ITK: variants seen among roughly 807,000 people sequenced by gnomAD.
ITK encodes the protein IL2 inducible T cell kinase, also known as tyrosine-protein kinase ITK/TSK.
In ITK, 45 loss-of-function variants were observed where a neutral mutation model predicts 87.6. That is an observed-to-expected ratio of 0.51 (90% CI 0.40 to 0.66). The LOEUF (loss-of-function observed/expected upper bound fraction) is 0.66. Among genes scored for constraint, ITK ranks in the 30% least tolerant of loss-of-function variants. The probability of loss-of-function intolerance (pLI) is 0.00; values close to 1 mark genes in which losing one functional copy is unlikely to be tolerated. For missense variants in ITK, 605 were observed against 766.3 expected (o/e 0.79, Z 2.48); for synonymous variants, 303 against 273.6 (o/e 1.11, Z -1.06).
intron 1 of ITK, among the ~76,000 whole-genome samples, chr5:157,200,466 A>G (rs1753942929): frequency 6.6e-6 from 1 of 152,116 alleles, no homozygotes; most frequent in Non-Finnish European, 1.5e-5. Flanking sequence ...GTTTGGGATG[A>G]TTATAGGCAA....
At chr5:157,249,129 A>G in intron 16 of ITK, 122 bp downstream of exon 16, 1 of 845,500 alleles carries the variant, frequency 1.2e-6, no homozygotes, top group Non-Finnish European at 2.0e-6. Context: ...ATAGATTAGC[A>G]ACAACATGAC....
intron 1 of ITK, among the ~76,000 whole-genome samples, chr5:157,192,909 T>G (rs1242852256): frequency 6.6e-6 from 1 of 152,204 alleles, no homozygotes; most frequent in East Asian, 1.9e-4. Context: ...GACTGAATGA[T>G]TTCTAAAGAC....
intron 10 of ITK, 83 bp from the exon 11 acceptor site, chr5:157,241,563 T>G (rs542205541): frequency 3.1e-5 from 29 of 946,838 alleles, no homozygotes; most frequent in African/African-American, 1.9e-4. Flanking sequence ...TGATGATGAT[T>G]ATTATTTTTT....
intron 5 of ITK, among the ~76,000 whole-genome samples, chr5:157,220,577 A>T (rs1754394595): frequency 6.6e-6 from 1 of 152,148 alleles, no homozygotes; most frequent in African/African-American, 2.4e-5. Flanking sequence ...GGTTGTGCTG[A>T]GGCCTGCAGC....
intron 1 of ITK, among the ~76,000 whole-genome samples, chr5:157,191,461 C>CA (rs946345160): frequency 6.6e-6 from 1 of 151,862 alleles, no homozygotes; most frequent in Non-Finnish European, 1.5e-5. Flanking sequence ...CTCATATTGT[C>CA]AAAAAAAATT....
intron 1 of ITK, among the ~76,000 whole-genome samples, chr5:157,204,353 G>T (rs904218311): frequency 9.9e-5 from 15 of 152,094 alleles, no homozygotes; most frequent in African/African-American, 3.6e-4. Context: ...CTGAGCTCAG[G>T]AGTTCCAAGC....
At position 157,243,636 on chromosome 5, in the gene ITK, C is replaced by G. The variant is rs142689933; in HGVS notation, c.1074C>G (p.Ile358Met). 3 of 1,612,420 alleles carry G rather than the reference C, an allele frequency of 1.9e-6. No homozygotes were observed. The highest frequency in any genetic ancestry group is 2.5e-6 in the Non-Finnish European group (3 of 1,179,932). Residue 358 changes from isoleucine (I) to methionine (M), a missense_variant, in exon 12 of 17, where the codon ATC becomes ATG. Transcript: ENST00000422843. ...TCTCTCTTCCAGGGAAATGGGTGATCGACCCCTCAGAGCTCACTTTTGTGC... is the reference window on the plus strand; with the variant it reads ...TCTCTCTTCCAGGGAAATGGGTGATGGACCCCTCAGAGCTCACTTTTGTGC... ...TAGLRYGKWV[I>M]DPSELTFVQE...
rs1287758453 is a variant in ITK at position 157,180,985 on chromosome 5, A to G, written c.8A>G (p.Asn3Ser). 1 of 1,613,830 alleles carries G rather than the reference A, an allele frequency of 6.2e-7. No homozygotes were observed. Among genetic ancestry groups the G allele is most frequent in the Non-Finnish European group, 8.5e-7 (1 of 1,179,848 alleles). ...CCTTTCAAGAACTGGATCATGAACA[A>G]CTTTATCCTCCTGGAAGAACAGCTC... Reference protein sequence around the residue: MNNFILLEEQLIK... With the variant: MNSFILLEEQLIK... The change falls in exon 1 of 17, where the codon AAC (asparagine) becomes AGC (serine). Residue 3 changes from asparagine to serine, a missense_variant. Around this residue, in one of 3 missense-constraint regions of ITK, gnomAD observed 464 missense variants for 578.0 expected, o/e 0.80. Transcript: ENST00000422843.
intron 1 of ITK, among the ~76,000 whole-genome samples, chr5:157,204,062 C>T (rs116815321): frequency 9.9e-5 from 15 of 152,248 alleles, no homozygotes; most frequent in Admixed American, 5.2e-4. Context: ...CTGGGGTCGA[C>T]GGCACCATCA....
intron 1 of ITK, among the ~76,000 whole-genome samples, chr5:157,182,609 G>A (rs1753558012): frequency 6.6e-6 from 1 of 152,048 alleles, no homozygotes; most frequent in South Asian, 2.1e-4. Flanking sequence ...GAACTTGGGG[G>A]ATTTATCATG....
In ITK at chr5:157,201,182, A is replaced by G. The variant is rs911718235; in HGVS notation, c.139-7707A>G. Among the ~76,000 whole-genome samples the G allele has an allele frequency of 9.9e-5, 15 of 152,158 alleles. 2 individuals are homozygous for G. Among genetic ancestry groups the G allele is most frequent in the Admixed American group, 5.9e-4 (9 of 15,230 alleles). On this transcript the variant is annotated intron_variant, in intron 1 of 16. Coordinates refer to ENST00000422843, the MANE Select transcript of ITK (RefSeq NM_005546.4). ...GATAAAACCCCCAGTACACTAATAG[A>G]AAAAAAATTTTGAGTCTTGCAAAAA...
intron 1 of ITK, among the ~76,000 whole-genome samples, chr5:157,204,323 G>A (rs1754036250): frequency 6.6e-6 from 1 of 152,202 alleles, no homozygotes; most frequent in African/African-American, 2.4e-5. Context: ...CACTTTGGGA[G>A]GCTGAGGCGG....
At chr5:157,223,086 T>C in intron 6 of ITK, 72 bp downstream of exon 6, 1 of 1,562,222 alleles carries the variant, frequency 6.4e-7, no homozygotes, top group South Asian at 1.1e-5. Context: ...CAGGATGATT[T>C]GTCCTATCTC....
chr5:157,190,189 T>A (rs1406350042), intron 1 of ITK, among the ~76,000 whole-genome samples: 1 of 152,214 alleles, frequency 6.6e-6, no homozygotes, highest in Non-Finnish European at 1.5e-5. Flanking sequence ...TAAGTAGGCT[T>A]CTCATTATAT....
intron 4 of ITK, among the ~76,000 whole-genome samples, chr5:157,216,667 G>A (rs1354430605): frequency 1.3e-5 from 2 of 152,080 alleles, no homozygotes; most frequent in Non-Finnish European, 2.9e-5. Flanking sequence ...GCCAGAGGAC[G>A]AAGAAAGAGA....
chr5:157,209,607 C>G (rs466470), intron 2 of ITK, among the ~76,000 whole-genome samples: 146,317 of 152,062 alleles, frequency 0.96, 70,438 homozygotes, highest in East Asian at 1. Flanking sequence ...CTGCTATCAG[C>G]GGCCTGAAAC....
intron 1 of ITK, among the ~76,000 whole-genome samples, chr5:157,187,149 C>T (rs73814022): frequency 0.017 from 2,606 of 152,334 alleles, 70 homozygotes; most frequent in African/African-American, 0.06. Flanking sequence ...GTCATGTCCT[C>T]CTGTCCTGTT....
intron 6 of ITK, among the ~76,000 whole-genome samples, chr5:157,224,737 C>T (rs928743951): frequency 6.6e-6 from 1 of 152,108 alleles, no homozygotes; most frequent in African/African-American, 2.4e-5. Context: ...GCCAAGCTCA[C>T]ACCACTGCAC....
intron 1 of ITK, among the ~76,000 whole-genome samples, chr5:157,194,382 G>A (rs542471296): frequency 1.3e-5 from 2 of 152,200 alleles, no homozygotes; most frequent in African/African-American, 2.4e-5. Flanking sequence ...TGCTGTATCC[G>A]CCTCAGCACT....
Sources: allele counts gnomAD v4.1 joint callset (sites outside exome capture counted in the v4.1 genomes callset), GRCh38; gene constraint gnomAD v4.1.1; regional missense constraint gnomAD v4.1.1; transcripts MANE v1.5; gene names NCBI Gene and HGNC (gene_info 2026-07-23, HGNC 2026-07-21).